TET1: variants seen among roughly 807,000 people sequenced by gnomAD.
TET1 encodes methylcytosine dioxygenase TET1.
In TET1, 13 loss-of-function variants were observed where a neutral mutation model predicts 148.7. The ratio of observed to expected loss-of-function variants is 0.09; its 90% confidence interval spans 0.06 to 0.14. The LOEUF (loss-of-function observed/expected upper bound fraction) is 0.14. Ranked by LOEUF, TET1 falls within the 10% of genes least tolerant of loss-of-function variation. TET1 has a pLI of 1.00. For synonymous variants in TET1, 907 were observed against 937.2 expected, an observed-to-expected ratio of 0.97 and a Z score of 0.59; for missense variants, 2,182 against 2,553.8, an observed-to-expected ratio of 0.85 and a Z score of 3.14.
chr10:68,691,695 G>A lies in TET1; in HGVS notation c.6292G>A (p.Val2098Ile). 6.2e-7 allele frequency: 1 copy of A among 1,614,178 alleles called. No homozygotes were observed. The highest frequency in any genetic ancestry group is 8.5e-7 in the Non-Finnish European group (1 of 1,180,038). Reference sequence around the variant, plus strand: ...TGAAGGTCCAGAACAGTCCTCTGAAGTAAATGAATTGAACCAAATTCCTTC... The same window carrying A: ...TGAAGGTCCAGAACAGTCCTCTGAAATAAATGAATTGAACCAAATTCCTTC... Reference protein sequence around the residue: ...ANEGPEQSSEVNELNQIPSHK... With the variant: ...ANEGPEQSSEINELNQIPSHK... The change falls in exon 12 of 12, where the codon GTA becomes ATA. Residue 2098 changes from valine (V) to isoleucine (I), a missense_variant. Physicochemically the swap from Val to Ile is conservative, Grantham distance 29 (BLOSUM62 3). Around this residue, in one of 11 missense-constraint regions of TET1, gnomAD observed 54 missense variants for 44.4 expected, o/e 1.22. Transcript: ENST00000373644. This position sits in a 1 kb window ranked among gnomAD's most constrained non-coding sequence, Gnocchi z 4.4.
intron 6 of TET1, among the ~76,000 whole-genome samples, chr10:68,655,565 G>A (rs1460953377): frequency 6.6e-6 from 1 of 152,118 alleles, no homozygotes; most frequent in Non-Finnish European, 1.5e-5. Flanking sequence ...GCTTATTGGT[G>A]GGATTGGGAT....
intron 3 of TET1, among the ~76,000 whole-genome samples, chr10:68,639,466 CTATTATTAT>C (rs76248128): frequency 2.2e-4 from 25 of 113,120 alleles, no homozygotes; most frequent in Non-Finnish European, 4.9e-4. Flanking sequence ...ACTACTACTA[CTATTATTAT>C]TATTATTATT....
At chr10:68,604,079 C>G (rs558475514) in intron 3 of TET1, among the ~76,000 whole-genome samples, 8 of 152,156 alleles carry the variant, frequency 5.3e-5, no homozygotes, top group Non-Finnish European at 1.2e-4. Flanking sequence ...TTCCTTGACT[C>G]TTGATCTAGG....
At chr10:68,624,705 TTTTCCTTC>T (rs2054448007) in intron 3 of TET1, among the ~76,000 whole-genome samples, 1 of 143,440 alleles carries the variant, frequency 7.0e-6, no homozygotes. Flanking sequence ...TCTTTCTTTC[TTTTCCTTC>T]CTTCTTTCTT....
intron 3 of TET1, among the ~76,000 whole-genome samples, chr10:68,637,008 T>TGTGTGA (rs1411844886): frequency 1.3e-5 from 2 of 151,790 alleles, no homozygotes; most frequent in African/African-American, 4.8e-5. Context: ...TGTGTGTGTG[T>TGTGTGA]GAGTGTGTGT....
chr10:68,641,497 TTTA>T (rs1564985951), intron 3 of TET1, among the ~76,000 whole-genome samples: 18 of 124,958 alleles, frequency 1.4e-4, no homozygotes, highest in African/African-American at 4.0e-4. Context: ...TATTTATTTA[TTTA>T]ATTTTATTTT....
At chr10:68,599,312 C>T (rs1054719514) in intron 2 of TET1, among the ~76,000 whole-genome samples, 7 of 152,218 alleles carry the variant, frequency 4.6e-5, no homozygotes, top group African/African-American at 1.7e-4. Flanking sequence ...AAGGCTGGAG[C>T]TAGGGCTGTC....
intron 8 of TET1, among the ~76,000 whole-genome samples, chr10:68,676,769 T>C (rs1050386759): frequency 3.3e-5 from 5 of 152,164 alleles, no homozygotes; most frequent in Admixed American, 1.3e-4. Flanking sequence ...TGAATAGATA[T>C]ATCAACTGGT....
chr10:68,622,211 TTCCTTCCTTCCC>T (rs1213473027), intron 3 of TET1, among the ~76,000 whole-genome samples: 40 of 124,622 alleles, frequency 3.2e-4, no homozygotes, highest in African/African-American at 8.1e-4. Flanking sequence ...CCTTCCTTCC[TTCCTTCCTTCCC>T]TCCTTCCTCC....
At chr10:68,596,269 CA>C (rs1311776394) in intron 2 of TET1, among the ~76,000 whole-genome samples, 3 of 151,568 alleles carry the variant, frequency 2.0e-5, no homozygotes, top group African/African-American at 7.3e-5. Context: ...TACTGAAAAT[CA>C]AGAGGATTTG....
At chr10:68,666,918 T>C (rs1229203636) in intron 6 of TET1, 127 bp from the exon 7 acceptor site, 1 of 869,972 alleles carries the variant, frequency 1.1e-6, no homozygotes, top group Non-Finnish European at 1.7e-6. Context: ...ACCCCGTCTG[T>C]AGAACAGATT....
At chr10:68,590,197 C>T (rs1225139635) in intron 2 of TET1, among the ~76,000 whole-genome samples, 5 of 152,026 alleles carry the variant, frequency 3.3e-5, no homozygotes, top group African/African-American at 4.8e-5. Flanking sequence ...ATTGCAGCTT[C>T]GACCTCCCAG....
At chr10:68,654,521 G>A (rs2054993064) in intron 6 of TET1, among the ~76,000 whole-genome samples, 1 of 152,172 alleles carries the variant, frequency 6.6e-6, no homozygotes, top group Non-Finnish European at 1.5e-5. Flanking sequence ...GGAGGCTGAG[G>A]CAGGAGAATT....
intron 3 of TET1, among the ~76,000 whole-genome samples, chr10:68,643,152 T>C (rs2054784648): frequency 6.7e-6 from 1 of 148,754 alleles, no homozygotes. Flanking sequence ...TCCCAGCTAC[T>C]CGGGAGGCTG....
intron 3 of TET1, among the ~76,000 whole-genome samples, chr10:68,629,983 G>A (rs2054546302): frequency 6.6e-6 from 1 of 152,152 alleles, no homozygotes; most frequent in East Asian, 1.9e-4. Flanking sequence ...AGAAGATTAG[G>A]TTCTGAAAAT....
At chr10:68,569,622 A>T (rs1363374189) in intron 1 of TET1, among the ~76,000 whole-genome samples, 1 of 151,352 alleles carries the variant, frequency 6.6e-6, no homozygotes, top group Non-Finnish European at 1.5e-5. Flanking sequence ...TTTAAGCTTT[A>T]AAACATATAT....
chr10:68,565,287 G>A (rs2053593665), intron 1 of TET1, among the ~76,000 whole-genome samples: 1 of 151,650 alleles, frequency 6.6e-6, no homozygotes, highest in Non-Finnish European at 1.5e-5. Flanking sequence ...GAGTGGCCTG[G>A]GCAGCATAGT....
chr10:68,676,268 ATTTTTTTTT>A (rs1217792442), intron 8 of TET1, among the ~76,000 whole-genome samples: 2 of 36,008 alleles, frequency 5.6e-5, no homozygotes, highest in African/African-American at 2.5e-4. Flanking sequence ...ATATATATAT[ATTTTTTTTT>A]TTTTTTTTTT....
rs115537264 is a variant in TET1 at position 68,619,086 on chromosome 10, G to A, written c.1968+18052G>A. Among the ~76,000 whole-genome samples the A allele has an allele frequency of 2.6e-5, 4 of 152,240 alleles. No homozygotes were observed. The East Asian group carries it at 7.7e-4, about 29-fold the overall frequency. ...AAAGTAAACATTCTCCTGTATACTT[G>A]TTCCTCCCTTCTTTCAATCTTAGTC... On this transcript the variant is annotated intron_variant, in intron 3 of 11. Coordinates refer to ENST00000373644, the MANE Select transcript of TET1 (RefSeq NM_030625.3).
Sources: gnomAD v4.1 joint callset for allele counts (sites outside exome capture counted in the v4.1 genomes callset) on GRCh38, gnomAD v4.1.1 for gene constraint, gnomAD v4.1.1 regional missense constraint, Gnocchi (gnomAD v3.1) non-coding constraint, MANE v1.5 for transcripts, NCBI Gene and HGNC (gene_info 2026-07-23, HGNC 2026-07-21) for gene names.